SBF2: variants seen among roughly 807,000 people sequenced by gnomAD.
The protein encoded by SBF2 is SET binding factor 2.
In SBF2, 112 loss-of-function variants were observed where a neutral mutation model predicts 225.2. The ratio of observed to expected loss-of-function variants is 0.50; its 90% CI spans 0.43 to 0.58. The LOEUF (loss-of-function observed/expected upper bound fraction) is 0.58, where lower values mean the gene tolerates loss of function less well. Ranked by LOEUF, SBF2 falls within the 20% of genes least tolerant of loss-of-function variation. SBF2 has a pLI of 0.00. For missense variants in SBF2, 1,996 were observed against 2,206.2 expected, an observed-to-expected ratio of 0.90 and a Z score of 1.91; for synonymous variants, 763 against 773.3, an observed-to-expected ratio of 0.99 and a Z score of 0.22.
At chr11:9,797,600 G>T (rs1011878224) in intron 32 of SBF2, among the ~76,000 whole-genome samples, 1 of 152,158 alleles carries the variant, frequency 6.6e-6, no homozygotes, top group African/African-American at 2.4e-5. Context: ...TTTGTATTAC[G>T]TAGAGTTTTC....
chr11:10,233,379 G>A (rs886369905), intron 1 of SBF2, among the ~76,000 whole-genome samples: 2 of 151,990 alleles, frequency 1.3e-5, no homozygotes, highest in Non-Finnish European at 2.9e-5. Flanking sequence ...GAACTGTGTA[G>A]TCAATCCTCT....
chr11:10,277,851 CAG>C (rs1372463792), intron 1 of SBF2, among the ~76,000 whole-genome samples: 3 of 152,178 alleles, frequency 2.0e-5, no homozygotes, highest in Non-Finnish European at 4.4e-5. Flanking sequence ...CTAAATCCTT[CAG>C]AGAGACTGAG....
chr11:10,168,361 C>G (rs769513698), intron 2 of SBF2, among the ~76,000 whole-genome samples: 9 of 152,176 alleles, frequency 5.9e-5, no homozygotes, highest in Non-Finnish European at 1.0e-4. Context: ...TTGTTTTTCT[C>G]TAAGTACCTG....
chr11:10,112,903 T>C (rs1267404025), intron 2 of SBF2, among the ~76,000 whole-genome samples: 1 of 152,168 alleles, frequency 6.6e-6, no homozygotes, highest in African/African-American at 2.4e-5. Flanking sequence ...CAGAAAACAA[T>C]TTTTCTATCT....
At chr11:10,131,937 G>C (rs1954080610) in intron 2 of SBF2, among the ~76,000 whole-genome samples, 1 of 152,036 alleles carries the variant, frequency 6.6e-6, no homozygotes, top group African/African-American at 2.4e-5. Context: ...CCAAGTTTTA[G>C]TTCCAAAGAT....
At chr11:9,861,797 G>A (rs773229913) in intron 17 of SBF2, among the ~76,000 whole-genome samples, 4 of 152,120 alleles carry the variant, frequency 2.6e-5, no homozygotes, top group African/African-American at 4.8e-5. Context: ...AGGCCACCAA[G>A]TGTGGCCCAA....
chr11:10,219,870 T>C (rs910949669), intron 1 of SBF2, among the ~76,000 whole-genome samples: 2 of 152,200 alleles, frequency 1.3e-5, no homozygotes, highest in Admixed American at 6.5e-5. Context: ...GTCAAAGCCA[T>C]TCAACAAGTC....
chr11:9,921,127 A>G (rs1389006204), intron 16 of SBF2, among the ~76,000 whole-genome samples: 1 of 141,286 alleles, frequency 7.1e-6, no homozygotes, highest in East Asian at 2.0e-4. Flanking sequence ...CTGGAGTACA[A>G]TGGCTTGATC....
intron 1 of SBF2, among the ~76,000 whole-genome samples, chr11:10,229,184 G>C (rs946250842): frequency 2.0e-4 from 31 of 151,956 alleles, no homozygotes; most frequent in Non-Finnish European, 3.5e-4. Flanking sequence ...ATTTTTTATT[G>C]CATCTATTTG....
Position 9,856,562 on chromosome 11 carries a change from G to A in SBF2, c.2259C>T (p.Leu753=), listed in dbSNP as rs771467991. ...VFSQAIHFAN[L]MVNLLVPLDT... is the part of the protein sequence containing the mutation. ...CGAGTGGAACTAGCAGGTTCACCAT[G>A]AGGTTTGCAAAGTGAATGGCCTGAC... The change falls in exon 19 of 40, where the codon CTC becomes CTT. Residue 753 remains leucine, a synonymous_variant. Transcript: ENST00000256190. The A allele has an allele frequency of 3.1e-6, 5 of 1,614,020 alleles. No individual in the cohort carries two copies. Among genetic ancestry groups the A allele is most frequent in the African/African-American group, 1.3e-5 (1 of 74,900 alleles).
At chr11:9,874,801 TAA>T (rs1859079187) in intron 17 of SBF2, among the ~76,000 whole-genome samples, 1 of 152,192 alleles carries the variant, frequency 6.6e-6, no homozygotes, top group Non-Finnish European at 1.5e-5. Context: ...GCTCCTAGCT[TAA>T]GTTTATTATT....
chr11:9,870,698 G>A (rs1156978740), intron 17 of SBF2, among the ~76,000 whole-genome samples: 4 of 152,062 alleles, frequency 2.6e-5, no homozygotes, highest in East Asian at 3.8e-4. Context: ...TAACCTGGCC[G>A]GGCACAGTGG....
intron 1 of SBF2, among the ~76,000 whole-genome samples, chr11:10,225,082 A>T (rs1958485903): frequency 6.6e-6 from 1 of 152,192 alleles, no homozygotes; most frequent in South Asian, 2.1e-4. Context: ...ATAAAAGCTC[A>T]TAGTGTATTT....
At chr11:9,914,264 C>A (rs1157080465) in intron 16 of SBF2, among the ~76,000 whole-genome samples, 1 of 152,030 alleles carries the variant, frequency 6.6e-6, no homozygotes, top group Non-Finnish European at 1.5e-5. Context: ...CTAGAAAGAA[C>A]CAAAAAGTAA....
intron 2 of SBF2, among the ~76,000 whole-genome samples, chr11:10,184,829 C>G (rs1956869395): frequency 6.6e-6 from 1 of 152,180 alleles, no homozygotes; most frequent in Non-Finnish European, 1.5e-5. Flanking sequence ...TGGGCTCATG[C>G]CATTCTCTCA....
chr11:9,898,124 TAA>T (rs1861420628), intron 16 of SBF2, among the ~76,000 whole-genome samples: 1 of 150,992 alleles, frequency 6.6e-6, no homozygotes, highest in African/African-American at 2.4e-5. Flanking sequence ...TAGGCAAAGA[TAA>T]TCTTTGCCTA....
rs777479280 is a variant in SBF2 at position 10,000,873 on chromosome 11, T to A, written c.861+41A>T. 2.9e-6 allele frequency: 3 copies of A among 1,026,346 alleles called. No homozygotes were observed. In the South Asian group the frequency reaches 3.9e-5, roughly 13 times the overall value. The allele number at this position is 1,026,346 out of a possible 1,614,324, so 63.6% of individuals were successfully genotyped here. On this transcript the variant is annotated intron_variant, in intron 8 of 39. Coordinates refer to ENST00000256190, the MANE Select transcript of SBF2 (RefSeq NM_030962.4). ...AGGACCCAAAGAAATATGATAAACT[T>A]CTGGACTCAATAACTGGAAACTTTA...
At chr11:10,164,742 G>A (rs17293593) in intron 2 of SBF2, among the ~76,000 whole-genome samples, 26,722 of 152,030 alleles carry the variant, frequency 0.18, 2,564 homozygotes, top group Middle Eastern at 0.25. Context: ...AAATCACAGT[G>A]CTCTCCAACC....
intron 1 of SBF2, among the ~76,000 whole-genome samples, chr11:10,226,377 C>T (rs537472610): frequency 2.7e-4 from 41 of 151,594 alleles, no homozygotes; most frequent in South Asian, 8.5e-4. Context: ...ATGTGCACAA[C>T]GTGCAGGTTT....
Sources: gnomAD v4.1 joint callset for allele counts (sites outside exome capture counted in the v4.1 genomes callset) on GRCh38, gnomAD v4.1.1 for gene constraint, MANE v1.5 for transcripts, NCBI Gene and HGNC (gene_info 2026-07-23, HGNC 2026-07-21) for gene names.